The following KIF9 variants were observed in gnomAD, a reference collection of about 807,000 sequenced individuals.
The protein encoded by KIF9 is kinesin-like protein KIF9.
KIF9 carries 68 observed loss-of-function variants against 94.8 expected under a neutral mutation model. The ratio of observed to expected loss-of-function variants is 0.72; its 90% confidence interval spans 0.59 to 0.88. The LOEUF (loss-of-function observed/expected upper bound fraction) is 0.88, where lower values mean the gene tolerates loss of function less well. Among genes scored for constraint, KIF9 ranks in the 40% least tolerant of loss-of-function variants. KIF9 has a pLI of 0.00. For missense variants in KIF9, 882 were observed against 982.5 expected, an observed-to-expected ratio of 0.90 and a Z score of 1.37; for synonymous variants, 343 against 362.1, an observed-to-expected ratio of 0.95 and a Z score of 0.60.
At chr3:47,259,148 A>G (rs1389269134) in intron 9 of KIF9, among the ~76,000 whole-genome samples, 1 of 152,212 alleles carries the variant, frequency 6.6e-6, no homozygotes, top group East Asian at 1.9e-4. Flanking sequence ...CTCTAGCCAC[A>G]CATGCTAAGA....
At chr3:47,232,251 C>T (rs139320462) in intron 20 of KIF9, among the ~76,000 whole-genome samples, 183 of 152,252 alleles carry the variant, frequency 1.2e-3, no homozygotes, top group Middle Eastern at 6.8e-3. Flanking sequence ...TGCCAGCTTC[C>T]AGAACTGTGA....
At chr3:47,267,321 G>C in intron 5 of KIF9, 58 bp from the exon 6 acceptor site, 1 of 1,263,630 alleles carries the variant, frequency 7.9e-7, no homozygotes, top group Non-Finnish European at 1.2e-6. Context: ...CAAGGCACTT[G>C]GGTCATTTTT....
intron 9 of KIF9, chr3:47,263,493 CCT>C (rs781602086): frequency 9.6e-5 from 19 of 198,886 alleles, no homozygotes; most frequent in African/African-American, 3.1e-4. Context: ...CGATTCAGCC[CCT>C]GTGATTTCTT....
chr3:47,270,658 G>T (rs1464064466), intron 5 of KIF9, among the ~76,000 whole-genome samples: 2 of 152,064 alleles, frequency 1.3e-5, no homozygotes, highest in African/African-American at 4.8e-5. Flanking sequence ...AGACTGGAAG[G>T]AAATGAGCTA....
At chr3:47,273,897 C>G (rs1230366599) in intron 3 of KIF9, among the ~76,000 whole-genome samples, 1 of 152,228 alleles carries the variant, frequency 6.6e-6, no homozygotes, top group African/African-American at 2.4e-5. Context: ...CTCTGCTGTT[C>G]CCTCCACCAA....
At chr3:47,235,816 G>A (rs1698980668) in intron 19 of KIF9, among the ~76,000 whole-genome samples, 199 bp from the exon 20 acceptor site, 1 of 152,216 alleles carries the variant, frequency 6.6e-6, no homozygotes, top group Non-Finnish European at 1.5e-5. Context: ...TGAGCAGGAT[G>A]AACTGCTTTA....
chr3:47,256,106 G>C (rs942361315), intron 10 of KIF9, among the ~76,000 whole-genome samples: 2 of 152,198 alleles, frequency 1.3e-5, no homozygotes, highest in Non-Finnish European at 2.9e-5. Context: ...ATCTCGGCTC[G>C]CTACAACTTC....
At chr3:47,281,066 C>G (rs1425182609) in intron 1 of KIF9, 1 of 702,482 alleles carries the variant, frequency 1.4e-6, no homozygotes, top group Non-Finnish European at 2.6e-6. Flanking sequence ...TCTTTTGAAT[C>G]CCCTCACAAT....
At chr3:47,281,143 T>C (rs1702313683) in intron 1 of KIF9, 2 of 655,328 alleles carry the variant, frequency 3.1e-6, no homozygotes, top group Admixed American at 4.5e-5. Flanking sequence ...TGGTAATGGC[T>C]GGAAGTCAGA....
At chr3:47,268,584 C>CTT (rs560574291) in intron 5 of KIF9, among the ~76,000 whole-genome samples, 17 of 137,302 alleles carry the variant, frequency 1.2e-4, no homozygotes, top group Non-Finnish European at 1.9e-4. Context: ...TTTTCTTCTT[C>CTT]TTTTTTTTTT....
chr3:47,239,528 G>A (rs905444562), intron 17 of KIF9: 16 of 1,087,386 alleles, frequency 1.5e-5, no homozygotes, highest in Admixed American at 8.5e-5. Flanking sequence ...TGTGAGGTAT[G>A]ATAAGAATGG....
intron 20 of KIF9, among the ~76,000 whole-genome samples, chr3:47,233,784 G>A (rs2107033265): frequency 6.6e-6 from 1 of 151,232 alleles, no homozygotes; most frequent in African/African-American, 2.4e-5. Flanking sequence ...AGTAGAAAAA[G>A]CAAGGTGCAG....
intron 4 of KIF9, 94 bp downstream of exon 4, chr3:47,273,458 C>T: frequency 1.1e-6 from 1 of 921,320 alleles, no homozygotes; most frequent in Non-Finnish European, 1.7e-6. Context: ...GAGGCCTGGT[C>T]CCCACTGTCT....
intron 2 of KIF9, chr3:47,277,034 C>A: frequency 3.2e-6 from 1 of 310,522 alleles, no homozygotes; most frequent in Non-Finnish European, 5.9e-6. Context: ...GTGTCAGATA[C>A]GAGGGTAAAG....
chr3:47,262,638 G>A (rs1215323557), intron 9 of KIF9, among the ~76,000 whole-genome samples: 3 of 152,152 alleles, frequency 2.0e-5, no homozygotes. Flanking sequence ...GATGCTGCCT[G>A]CACGTCAGCT....
At chr3:47,245,687 T>C in intron 13 of KIF9, 176 bp from the exon 14 acceptor site, 1 of 611,252 alleles carries the variant, frequency 1.6e-6, no homozygotes, top group South Asian at 1.9e-5. Context: ...CCTGCCCCAT[T>C]GCATATACCC....
intron 5 of KIF9, among the ~76,000 whole-genome samples, chr3:47,269,768 A>ATTTT (rs36108313): frequency 3.5e-5 from 3 of 86,464 alleles, no homozygotes; most frequent in African/African-American, 1.1e-4. Context: ...CTCCCAGCTA[A>ATTTT]TTTTTTTTTT....
At chr3:47,281,510 G>T (rs807937) in intron 1 of KIF9, among the ~76,000 whole-genome samples, 87,108 of 151,832 alleles carry the variant, frequency 0.57, 25,097 homozygotes, top group Non-Finnish European at 0.6. Flanking sequence ...ACCACGCCCG[G>T]GTAATTTTTG....
chr3:47,245,583 C>A, intron 13 of KIF9, 72 bp from the exon 14 acceptor site: 1 of 1,187,336 alleles, frequency 8.4e-7, no homozygotes, highest in South Asian at 1.2e-5. Context: ...GAACCAAGTA[C>A]TGGGGTTAAA....
Sources: gnomAD v4.1 joint callset for allele counts (sites outside exome capture counted in the v4.1 genomes callset) on GRCh38, gnomAD v4.1.1 for gene constraint, MANE v1.5 for transcripts, NCBI Gene and HGNC (gene_info 2026-07-23, HGNC 2026-07-21) for gene names.